KANK2: variants seen among roughly 807,000 people sequenced by gnomAD.
The protein encoded by KANK2 is KN motif and ankyrin repeat domain-containing protein 2.
Under a neutral mutation model 74.6 loss-of-function variants are expected in KANK2, and 41 were observed. That is an observed-to-expected ratio of 0.55 (90% CI 0.43 to 0.71). The LOEUF is 0.71. KANK2 is among the 30% of genes least tolerant of loss of function. The pLI is 0.00. For synonymous variants in KANK2, 537 were observed against 519.0 expected, an observed-to-expected ratio of 1.03 and a Z score of -0.47; for missense variants, 1,148 against 1,196.4, an observed-to-expected ratio of 0.96 and a Z score of 0.60.
At chr19:11,174,360 TCTC>T in intron 9 of KANK2, 110 bp downstream of exon 9, 1 of 855,596 alleles carries the variant, frequency 1.2e-6, no homozygotes, top group South Asian at 1.5e-5. Context: ...GAAGGCCGCG[TCTC>T]CTCCATCATC....
chr19:11,189,472 T>C lies in KANK2; in HGVS notation c.1249+3359A>G, dbSNP rs1291536681. On this transcript the variant is annotated intron_variant, in intron 4 of 12. Coordinates refer to ENST00000586659, the MANE Select transcript of KANK2 (RefSeq NM_001136191.3). The stretch of plus-strand genomic sequence containing the variant: ...TACAAAAATTAGTCAGTCATGGTGG[T>C]GCATGCCTGTAATCCCAGCTACTCG... Among the ~76,000 whole-genome samples the C allele has an allele frequency of 7.9e-5, 12 of 151,278 alleles. No homozygotes were observed. In the East Asian group the frequency reaches 1.6e-3, roughly 20 times the overall value.
chr19:11,191,332 C>A (rs1488504058), intron 4 of KANK2, among the ~76,000 whole-genome samples: 1 of 152,242 alleles, frequency 6.6e-6, no homozygotes, highest in Non-Finnish European at 1.5e-5. Context: ...AGCCACTGCG[C>A]CCGGCCCAGC....
In KANK2 at chr19:11,178,548, C is replaced by G; in HGVS notation, c.1417+5G>C. The G allele has an allele frequency of 6.2e-7, 1 of 1,604,230 alleles. No individual in the cohort carries two copies. Among genetic ancestry groups the G allele is most frequent in the East Asian group, 2.3e-5 (1 of 44,184 alleles). On this transcript the variant is annotated splice_donor_5th_base_variant and intron_variant, in intron 5 of 12. Transcript: ENST00000586659. Reference sequence around the variant, plus strand: ...CGTCCCTCTTGGCGGCCACCCACCACTTACCGGTGCCCCCGGCCTCCTCGG... The same window carrying G: ...CGTCCCTCTTGGCGGCCACCCACCAGTTACCGGTGCCCCCGGCCTCCTCGG...
At chr19:11,186,677 C>A (rs897649543) in intron 4 of KANK2, among the ~76,000 whole-genome samples, 2 of 151,818 alleles carry the variant, frequency 1.3e-5, no homozygotes, top group African/African-American at 4.8e-5. Flanking sequence ...CCAGCCTGGG[C>A]AACAGGAGTG....
rs891656642 is a variant in KANK2 at position 11,182,537 on chromosome 19, A to C, written c.1250-3817T>G. Among the ~76,000 whole-genome samples the C allele has an allele frequency of 6.9e-5, 10 of 143,892 alleles. 1 individual carries two copies. Among genetic ancestry groups the C allele is most frequent in the African/African-American group, 2.3e-4 (9 of 38,336 alleles). 94.4% of individuals were successfully genotyped at this position (143,892 alleles called of 152,430 possible). A position where few individuals can be genotyped will look rare whatever the true frequency, so the allele number is the denominator to read the frequency against. On this transcript the variant is annotated intron_variant, in intron 4 of 12. Coordinates refer to ENST00000586659, the MANE Select transcript of KANK2 (RefSeq NM_001136191.3). ...TGAGACCCTATCTTTAAAAAAAAAA[A>C]CAAAAAAACAAAACAAAACAAAAAA...
intron 10 of KANK2, among the ~76,000 whole-genome samples, chr19:11,171,929 C>T (rs1381464471): frequency 6.6e-6 from 1 of 151,088 alleles, no homozygotes; most frequent in African/African-American, 2.4e-5. Flanking sequence ...CCACTTTGGC[C>T]TCCCAAAGTG....
Position 11,170,190 on chromosome 19 carries a change from G to A in KANK2, c.2270C>T (p.Ala757Val), listed in dbSNP as rs1166026237. ...VSHGRVDVVK[A>V]LLACEADVNV... ...GACATCTGCCTCACAGGCCAGCAGG[G>A]CTTTGACAACGTCCACCCGCCCGTG... Residue 757 changes from alanine (A) to valine (V), a missense_variant, in exon 11 of 13, where the codon GCC becomes GTC. Transcript: ENST00000586659. The surrounding 1 kb of genome is among the most constrained non-coding windows in gnomAD (Gnocchi z 5.2). 4 of 1,611,790 alleles carry A rather than the reference G, an allele frequency of 2.5e-6. No individual in the cohort carries two copies. The highest frequency in any genetic ancestry group is 2.7e-5 in the African/African-American group (2 of 75,072).
rs777565541 is a variant in KANK2, at chr19:11,174,582, C to T, written c.1959G>A (p.Ala653=). The change falls in exon 9 of 13, where the codon GCG becomes GCA. Residue 653 remains alanine (A), a synonymous_variant. Transcript: ENST00000586659. The part of the protein sequence containing the change: ...RHLVTFRAMS[A]RLLDYVVNIA... ...TGTTGACCACGTAGTCCAGCAGCCG[C>T]GCAGACATGGCCCGGAACGTGACCA... The T allele has an allele frequency of 2.0e-5, 33 of 1,613,212 alleles. No individual in the cohort carries two copies. Among genetic ancestry groups the T allele is most frequent in the Admixed American group, 5.0e-5 (3 of 59,936 alleles).
intron 4 of KANK2, among the ~76,000 whole-genome samples, chr19:11,189,721 G>T (rs1398066996): frequency 6.6e-6 from 1 of 150,692 alleles, no homozygotes; most frequent in Non-Finnish European, 1.5e-5. Context: ...GGAATAAAAT[G>T]AGACTCCAGG....
Position 11,194,585 on chromosome 19 carries a change from GCTTAC to G in KANK2, c.-79_-75del, listed in dbSNP as rs2147638056. ...CAGACTGCCTGCAGCACCGGCTGAG[GCTTAC>G]CTGGGGAAAGAGAACCACGGCGCCG... On this transcript the variant is annotated splice_region_variant and 5_prime_UTR_variant, in exon 3 of 13. Transcript: ENST00000586659. 8.0e-7 allele frequency: 1 copy of G among 1,244,762 alleles called. No homozygotes were observed. Among genetic ancestry groups the G allele is most frequent in the South Asian group, 1.2e-5 (1 of 83,738 alleles). 77.1% of individuals were successfully genotyped at this position (1,244,762 alleles called of 1,614,324 possible). A position where few individuals can be genotyped will look rare whatever the true frequency, so the allele number is the denominator to read the frequency against.
At chr19:11,187,447 G>A (rs1600820641) in intron 4 of KANK2, among the ~76,000 whole-genome samples, 1 of 152,062 alleles carries the variant, frequency 6.6e-6, no homozygotes. Flanking sequence ...ACACTCAAAT[G>A]TCTAAATAAG....
intron 8 of KANK2, 105 bp from the exon 9 acceptor site, chr19:11,174,797 G>A: frequency 1.1e-6 from 1 of 884,084 alleles, no homozygotes; most frequent in South Asian, 1.6e-5. Flanking sequence ...CCCTTGTCCT[G>A]GAAAACGATC....
At chr19:11,186,298 G>A (rs919977932) in intron 4 of KANK2, among the ~76,000 whole-genome samples, 1 of 152,048 alleles carries the variant, frequency 6.6e-6, no homozygotes, top group African/African-American at 2.4e-5. Flanking sequence ...TGAGGCACAA[G>A]AATCGCTTGA....
At position 11,174,536 on chromosome 19, in the gene KANK2, T is replaced by C. The variant is rs1411447630; in HGVS notation, c.2005A>G (p.Thr669Ala). ...TGAGACACGGAGTAGTGCAGGGCTG[T>C]GTTGCCGTTGCTGTCGGCGATGTTG... Reference protein sequence around the residue: ...VVNIADSNGNTALHYSVSHAN... With the variant: ...VVNIADSNGNAALHYSVSHAN... Residue 669 changes from threonine (T) to alanine (A), a missense_variant, in exon 9 of 13, where the codon ACA becomes GCA. Transcript: ENST00000586659. The C allele has an allele frequency of 2.5e-6, 4 of 1,613,726 alleles. No homozygotes were observed. The South Asian group carries it at 3.3e-5, about 13-fold the overall frequency.
rs539870935 is a variant in KANK2 at position 11,168,176 on chromosome 19, G to GT, written c.2503-1566dup. Among the ~76,000 whole-genome samples, 8 of 151,658 alleles carry GT rather than the reference G, an allele frequency of 5.3e-5. No individual in the cohort carries two copies. The South Asian group carries it at 6.2e-4, about 12-fold the overall frequency. On this transcript the variant is annotated intron_variant, in intron 12 of 12. Transcript: ENST00000586659. Reference sequence around the variant, plus strand: ...CGCCACCACACCCGGCTAATATTTTGTTTTTTTAGTACAGATGGAGTTTCA... The same window carrying GT: ...CGCCACCACACCCGGCTAATATTTTGTTTTTTTTAGTACAGATGGAGTTTCA...
chr19:11,170,326 G>A lies in KANK2; in HGVS notation c.2212-78C>T, dbSNP rs1308351874. 2 of 1,148,390 alleles carry A rather than the reference G, an allele frequency of 1.7e-6. No individual in the cohort carries two copies. Among genetic ancestry groups the A allele is most frequent in the African/African-American group, 3.0e-5 (2 of 66,122 alleles). 71.1% of individuals were successfully genotyped at this position (1,148,390 alleles called of 1,614,324 possible). ...ACCCCCTGGTCTAGAACCTGCTGTA[G>A]CTCCCACATACTCTGATGGTGAAAT... On this transcript the variant is annotated intron_variant, in intron 10 of 12. Transcript: ENST00000586659. This position sits in a 1 kb window ranked among gnomAD's most constrained non-coding sequence, Gnocchi z 5.2.
rs1027401730 is a variant in KANK2 at position 11,176,624 on chromosome 19, G to T, written c.1714C>A (p.Pro572Thr). 6.2e-7 allele frequency: 1 copy of T among 1,611,830 alleles called. No individual in the cohort carries two copies. Among genetic ancestry groups the T allele is most frequent in the African/African-American group, 1.3e-5 (1 of 74,860 alleles). Residue 572 changes from proline (P) to threonine (T), a missense_variant, in exon 7 of 13, where the codon CCC (proline) becomes ACC (threonine). Coordinates refer to ENST00000586659, the MANE Select transcript of KANK2 (RefSeq NM_001136191.3). ...CQLSRESQHI[P>T]TAEGASGSNT... The stretch of plus-strand genomic sequence containing the variant: ...GATCCTGATGCCCCCTCAGCAGTGG[G>T]TATGTGCTGAGATTCTCGAGACAGC...
intron 1 of KANK2, chr19:11,197,242 G>A (rs1238887059): frequency 6.7e-6 from 1 of 149,998 alleles, no homozygotes; most frequent in East Asian, 2.0e-4. Context: ...GGGGGGTACT[G>A]GGAGGAATCG....
intron 10 of KANK2, 23 bp downstream of exon 10, chr19:11,172,958 T>C: frequency 6.2e-7 from 1 of 1,608,428 alleles, no homozygotes; most frequent in Non-Finnish European, 8.5e-7. Flanking sequence ...CACCTGGATC[T>C]GCAGCAGCCG....
Sources: gnomAD v4.1 joint callset for allele counts (sites outside exome capture counted in the v4.1 genomes callset) on GRCh38, gnomAD v4.1.1 for gene constraint, Gnocchi (gnomAD v3.1) non-coding constraint, MANE v1.5 for transcripts, NCBI Gene and HGNC (gene_info 2026-07-23, HGNC 2026-07-21) for gene names.